Variants in CREB3L1 observed in about 807,000 individuals in gnomAD.
The protein encoded by CREB3L1 is cyclic AMP-responsive element-binding protein 3-like protein 1.
Under a neutral mutation model 54.5 loss-of-function variants are expected in CREB3L1, and 33 were observed. The observed-to-expected ratio is 0.61, with a 90% CI of 0.46 to 0.81. The LOEUF (loss-of-function observed/expected upper bound fraction) is 0.81, where lower values mean the gene tolerates loss of function less well. Among genes scored for constraint, CREB3L1 ranks in the 30% least tolerant of loss-of-function variants. The probability of loss-of-function intolerance (pLI) is 0.00; values close to 1 mark genes in which losing one functional copy is unlikely to be tolerated. For missense variants in CREB3L1, 656 were observed against 673.3 expected, an observed-to-expected ratio of 0.97 and a Z score of 0.29; for synonymous variants, 284 against 286.4, an observed-to-expected ratio of 0.99 and a Z score of 0.08.
chr11:46,319,753 C>G (rs900494573), intron 10 of CREB3L1, among the ~76,000 whole-genome samples: 1 of 152,072 alleles, frequency 6.6e-6, no homozygotes, highest in Non-Finnish European at 1.5e-5. Flanking sequence ...GTGGCACACA[C>G]CTGTAGTCCC....
intron 1 of CREB3L1, among the ~76,000 whole-genome samples, chr11:46,283,487 T>C (rs1022754222): frequency 6.6e-5 from 10 of 152,150 alleles, no homozygotes; most frequent in Non-Finnish European, 1.3e-4. Context: ...TTGGGTCACA[T>C]TGTAGTGAAC....
intron 2 of CREB3L1, among the ~76,000 whole-genome samples, chr11:46,303,685 T>G (rs1433821999): frequency 6.6e-6 from 1 of 151,870 alleles, no homozygotes; most frequent in East Asian, 1.9e-4. Flanking sequence ...CTATTTTCAC[T>G]GTGCACATAA....
At chr11:46,294,096 C>G (rs535967179) in intron 1 of CREB3L1, among the ~76,000 whole-genome samples, 1 of 152,224 alleles carries the variant, frequency 6.6e-6, no homozygotes, top group Admixed American at 6.5e-5. Context: ...ACAAAGGAAC[C>G]CCTCAGCCCA....
rs200477897 is a variant in CREB3L1 at position 46,320,713 on chromosome 11, T to C, written c.1527T>C (p.Asp509=). ...SHSKEWFHDR[D]LGPNTTIKLS ...CTGGCCTCTCTTCTCTCTCCAGGGA[T>C]CTGGGCCCCAACACCACCATCAAAC... The change falls in exon 12 of 12, where the codon GAT becomes GAC. Residue 509 remains aspartate, a synonymous_variant. Transcript: ENST00000621158. 11 of 1,611,862 alleles carry C rather than the reference T, an allele frequency of 6.8e-6. No homozygotes were observed. The highest frequency in any genetic ancestry group is 8.5e-6 in the Non-Finnish European group (10 of 1,179,062).
chr11:46,299,907 C>G lies in CREB3L1; in HGVS notation c.103-28C>G, dbSNP rs370198030. On this transcript the variant is annotated intron_variant, in intron 1 of 11. Transcript: ENST00000621158. ...CCCTTCCCAAGCAAAGCTGAATTCC[C>G]TCTTCCCCTCACCTCTTCCTTCCCT... The G allele has an allele frequency of 8.3e-6, 13 of 1,569,922 alleles. No homozygotes were observed. The African/African-American group carries it at 1.5e-4, about 18-fold the overall frequency.
chr11:46,279,694 G>C (rs1190160863), intron 1 of CREB3L1, among the ~76,000 whole-genome samples: 1 of 152,016 alleles, frequency 6.6e-6, no homozygotes, highest in Non-Finnish European at 1.5e-5. Context: ...GCAGGGATCG[G>C]GGGATCCACA....
intron 1 of CREB3L1, among the ~76,000 whole-genome samples, chr11:46,297,023 AC>A: frequency 6.6e-6 from 1 of 152,008 alleles, no homozygotes; most frequent in Non-Finnish European, 1.5e-5. Flanking sequence ...GGCTTGGCAA[AC>A]CCTTATCGCC....
intron 1 of CREB3L1, among the ~76,000 whole-genome samples, chr11:46,280,536 A>T (rs1269108252): frequency 6.6e-6 from 1 of 152,140 alleles, no homozygotes; most frequent in Non-Finnish European, 1.5e-5. Flanking sequence ...CATCTGAAAA[A>T]TGGGAATATT....
chr11:46,314,857 A>G (rs1939543151), intron 8 of CREB3L1, among the ~76,000 whole-genome samples: 2 of 151,690 alleles, frequency 1.3e-5, no homozygotes, highest in South Asian at 4.2e-4. Context: ...ACAGACGTGT[A>G]CCACCACACC....
intron 8 of CREB3L1, among the ~76,000 whole-genome samples, chr11:46,313,953 A>G (rs546157808): frequency 6.6e-6 from 1 of 152,266 alleles, no homozygotes; most frequent in Non-Finnish European, 1.5e-5. Flanking sequence ...ATTATCTCAT[A>G]GGGCCAGGCA....
chr11:46,293,665 C>T (rs1233928265), intron 1 of CREB3L1, among the ~76,000 whole-genome samples: 2 of 152,234 alleles, frequency 1.3e-5, no homozygotes, highest in Non-Finnish European at 2.9e-5. Context: ...CAGTCCCAGC[C>T]CTCAGTGTCC....
chr11:46,283,844 C>A (rs1165452149), intron 1 of CREB3L1, among the ~76,000 whole-genome samples: 4 of 152,130 alleles, frequency 2.6e-5, no homozygotes, highest in Non-Finnish European at 5.9e-5. Context: ...TATCACGCCA[C>A]TGCACTCCAG....
intron 1 of CREB3L1, among the ~76,000 whole-genome samples, chr11:46,287,850 C>T (rs1242601363): frequency 1.3e-5 from 2 of 151,678 alleles, no homozygotes; most frequent in African/African-American, 2.4e-5. Flanking sequence ...TTGGTGTGCA[C>T]CTGTAATCCC....
chr11:46,278,278 C>G lies in CREB3L1; in HGVS notation c.102+65C>G. The stretch of plus-strand genomic sequence containing the variant: ...ACCCGTCCTCGCGGCGCGCCTGGGC[C>G]CCTAGAAGGACCCGACTACACATCA... On this transcript the variant is annotated intron_variant, in intron 1 of 11. Coordinates refer to ENST00000621158, the MANE Select transcript of CREB3L1 (RefSeq NM_052854.4). The surrounding 1 kb of genome is among the most constrained non-coding windows in gnomAD (Gnocchi z 4.2). 1 of 1,075,054 alleles carries G rather than the reference C, an allele frequency of 9.3e-7. No individual in the cohort carries two copies. The highest frequency in any genetic ancestry group is 1.4e-6 in the Non-Finnish European group (1 of 738,428). 66.6% of individuals were successfully genotyped at this position (1,075,054 alleles called of 1,614,324 possible). A position where few individuals can be genotyped will look rare whatever the true frequency, so the allele number is the denominator to read the frequency against.
chr11:46,278,085 G>A lies in CREB3L1; in HGVS notation c.-27G>A, dbSNP rs1433561308. The A allele has an allele frequency of 4.1e-6, 6 of 1,478,144 alleles. No homozygotes were observed. The highest frequency in any genetic ancestry group is 5.5e-6 in the Non-Finnish European group (6 of 1,086,284). 91.6% of individuals were successfully genotyped at this position (1,478,144 alleles called of 1,614,324 possible). A position where few individuals can be genotyped will look rare whatever the true frequency, so the allele number is the denominator to read the frequency against. ...CGCCCTGGAGTGAGGGAAGCCCAGT[G>A]GAAGGGGGTCCCGGGAGCCGGCTGC... On this transcript the variant is annotated 5_prime_UTR_variant, in exon 1 of 12. Transcript: ENST00000621158. The surrounding 1 kb of genome is among the most constrained non-coding windows in gnomAD (Gnocchi z 4.2).
At chr11:46,298,708 A>T (rs1939248616) in intron 1 of CREB3L1, among the ~76,000 whole-genome samples, 1 of 152,202 alleles carries the variant, frequency 6.6e-6, no homozygotes, top group Admixed American at 6.5e-5. Flanking sequence ...AGCAAGACAG[A>T]AAGAGAGAGA....
At position 46,316,345 on chromosome 11, in the gene CREB3L1, CT is replaced by C; in HGVS notation, c.1093del (p.Tyr365ThrfsTer40). 1 of 1,575,238 alleles carries C rather than the reference CT, an allele frequency of 6.3e-7. No homozygotes were observed. The highest frequency in any genetic ancestry group is 8.6e-7 in the Non-Finnish European group (1 of 1,160,676). On this transcript the variant is annotated frameshift_variant, in exon 9 of 12. Coordinates refer to ENST00000621158, the MANE Select transcript of CREB3L1 (RefSeq NM_052854.4). LOFTEE classifies it high-confidence loss of function. ...CTGGTCACCAACAAGATCTCCAGACCTTACAAGATGGCCGCCACCCAGACTG... is the reference window on the plus strand; with the variant it reads ...CTGGTCACCAACAAGATCTCCAGACCTACAAGATGGCCGCCACCCAGACTG... ...QTLVTNKISR[P>X]YKMAATQTGT...
intron 1 of CREB3L1, among the ~76,000 whole-genome samples, chr11:46,294,259 G>A (rs150154435): frequency 1.8e-3 from 280 of 152,248 alleles, no homozygotes; most frequent in Non-Finnish European, 3.4e-3. Context: ...TGGGGGCTGA[G>A]AGTGAGGTCG....
intron 8 of CREB3L1, among the ~76,000 whole-genome samples, chr11:46,314,106 T>C (rs923467764): frequency 7.9e-5 from 12 of 151,700 alleles, no homozygotes; most frequent in African/African-American, 2.2e-4. Flanking sequence ...GATGTGGTGG[T>C]GCATGCCTGT....
Sources: allele counts gnomAD v4.1 joint callset (sites outside exome capture counted in the v4.1 genomes callset), GRCh38; gene constraint gnomAD v4.1.1; non-coding constraint Gnocchi (gnomAD v3.1); transcripts MANE v1.5; gene names NCBI Gene and HGNC (gene_info 2026-07-23, HGNC 2026-07-21).